NCK2: variants seen among roughly 807,000 people sequenced by gnomAD.
NCK2 encodes the protein cytoplasmic protein NCK2.
In NCK2, 16 loss-of-function variants were observed where a neutral mutation model predicts 33.9. The observed-to-expected ratio is 0.47, with a 90% confidence interval of 0.32 to 0.72. The LOEUF (loss-of-function observed/expected upper bound fraction) is 0.72, where lower values mean the gene tolerates loss of function less well. Among genes scored for constraint, NCK2 ranks in the 30% least tolerant of loss-of-function variants. The probability of loss-of-function intolerance (pLI) is 0.03; values close to 1 mark genes in which losing one functional copy is unlikely to be tolerated. For synonymous variants in NCK2, 273 were observed against 239.9 expected, an observed-to-expected ratio of 1.14 and a Z score of -1.27; for missense variants, 418 against 537.3, an observed-to-expected ratio of 0.78 and a Z score of 2.19.
chr2:105,748,955 A>G (rs935704203), intron 1 of NCK2, among the ~76,000 whole-genome samples: 1 of 152,186 alleles, frequency 6.6e-6, no homozygotes, highest in South Asian at 2.1e-4. Context: ...CTTTGACCTC[A>G]GGATGTCCAG....
intron 3 of NCK2, among the ~76,000 whole-genome samples, chr2:105,874,603 T>C (rs945853550): frequency 1.3e-5 from 2 of 152,238 alleles, no homozygotes; most frequent in Non-Finnish European, 2.9e-5. Context: ...GCACACCGCG[T>C]CTAAACGAAT....
Position 105,784,156 on chromosome 2 carries a change from T to G in NCK2, c.-200-32274T>G, listed in dbSNP as rs557049457. On this transcript the variant is annotated intron_variant, in intron 1 of 4. Transcript: ENST00000233154. ...TCTCCCTCTGTCACCCAGGCTGGCG[T>G]GCAGTGGCGTCATCTCTGTTCACTG... is the stretch of plus-strand genomic sequence containing the variant. 3.9e-5 allele frequency among the ~76,000 whole-genome samples: 6 copies of G among 152,326 alleles called. No homozygotes were observed. The East Asian group carries it at 1.2e-3, about 29-fold the overall frequency.
intron 1 of NCK2, among the ~76,000 whole-genome samples, chr2:105,758,841 G>T (rs1689674895): frequency 6.6e-6 from 1 of 152,160 alleles, no homozygotes; most frequent in South Asian, 2.1e-4. Flanking sequence ...TTTTCCAAAG[G>T]TTGGAACTGA....
intron 1 of NCK2, among the ~76,000 whole-genome samples, chr2:105,777,014 T>A (rs1362770419): frequency 6.6e-6 from 1 of 151,596 alleles, no homozygotes; most frequent in Admixed American, 6.6e-5. Flanking sequence ...TCCCCAGAGA[T>A]CAGAGACTAA....
At chr2:105,791,405 C>T (rs1305961075) in intron 1 of NCK2, among the ~76,000 whole-genome samples, 1 of 150,984 alleles carries the variant, frequency 6.6e-6, no homozygotes, top group Non-Finnish European at 1.5e-5. Context: ...GTGGCTTTCA[C>T]GATGGGAGGA....
At chr2:105,840,944 T>G (rs1676621801) in intron 2 of NCK2, among the ~76,000 whole-genome samples, 1 of 152,228 alleles carries the variant, frequency 6.6e-6, no homozygotes, top group Non-Finnish European at 1.5e-5. Context: ...CAGATCATTC[T>G]TAAGTAAATC....
intron 3 of NCK2, among the ~76,000 whole-genome samples, chr2:105,859,099 G>A (rs929569646): frequency 1.3e-5 from 2 of 152,184 alleles, no homozygotes; most frequent in Non-Finnish European, 2.9e-5. Flanking sequence ...TTGTGCAGGC[G>A]AGGTGTTGTA....
chr2:105,892,869 C>A, intron 4 of NCK2, 113 bp from the exon 5 acceptor site: 2 of 770,704 alleles, frequency 2.6e-6, no homozygotes, highest in South Asian at 4.6e-5. Context: ...AAAGCAGAGA[C>A]CCAGTGTTTG....
intron 4 of NCK2, among the ~76,000 whole-genome samples, chr2:105,889,571 C>CTTTTT (rs35868906): frequency 7.5e-6 from 1 of 132,806 alleles, no homozygotes; most frequent in Admixed American, 7.7e-5. Flanking sequence ...ATTTGCATTT[C>CTTTTT]TTTTTTTTTT....
intron 1 of NCK2, among the ~76,000 whole-genome samples, chr2:105,750,802 T>A (rs1385957821): frequency 1.3e-5 from 2 of 152,202 alleles, no homozygotes; most frequent in African/African-American, 4.8e-5. Context: ...ATCAGTGATA[T>A]GCAAAGGAAA....
At chr2:105,754,639 G>A (rs935878412) in intron 1 of NCK2, among the ~76,000 whole-genome samples, 3 of 151,796 alleles carry the variant, frequency 2.0e-5, no homozygotes, top group Non-Finnish European at 2.9e-5. Context: ...GAGGTTGGGG[G>A]GAGCTGCTGC....
intron 3 of NCK2, among the ~76,000 whole-genome samples, chr2:105,879,172 T>C (rs1196243919): frequency 6.6e-6 from 1 of 152,244 alleles, no homozygotes; most frequent in African/African-American, 2.4e-5. Flanking sequence ...CTTTTGTAAT[T>C]CACATGTTTG....
intron 4 of NCK2, among the ~76,000 whole-genome samples, chr2:105,885,616 G>A (rs1327428501): frequency 6.6e-6 from 1 of 151,940 alleles, no homozygotes. Context: ...TACTGATTCA[G>A]GAGGTCTGGG....
intron 1 of NCK2, among the ~76,000 whole-genome samples, chr2:105,790,369 G>A (rs747446871): frequency 2.0e-4 from 30 of 152,188 alleles, no homozygotes; most frequent in Admixed American, 7.2e-4. Context: ...GCTTCTCAAT[G>A]CCATAGGCTG....
chr2:105,893,876 A>G lies in NCK2; in HGVS notation c.*700A>G, dbSNP rs1672374307. On this transcript the variant is annotated 3_prime_UTR_variant, in exon 5 of 5. Transcript: ENST00000233154. Reference sequence around the variant, plus strand: ...TTCGGCTTGTTTGAATCTCACAATTATGTATTTAATTCTCAAAGAAATATG... The same window carrying G: ...TTCGGCTTGTTTGAATCTCACAATTGTGTATTTAATTCTCAAAGAAATATG... The G allele has an allele frequency of 1.3e-5, 2 of 152,606 alleles. No individual in the cohort carries two copies. The highest frequency in any genetic ancestry group is 2.9e-5 in the Non-Finnish European group (2 of 68,046). 9.5% of individuals were successfully genotyped at this position (152,606 alleles called of 1,614,324 possible).
intron 2 of NCK2, among the ~76,000 whole-genome samples, chr2:105,821,407 A>G (rs750798227): frequency 9.2e-5 from 14 of 152,170 alleles, no homozygotes; most frequent in Non-Finnish European, 1.8e-4. Flanking sequence ...GGCCCATCTC[A>G]GCCTCCTTCT....
In NCK2 at chr2:105,882,031, T is replaced by A; in HGVS notation, c.930T>A (p.Ile310=). The A allele has an allele frequency of 6.7e-7, 1 of 1,500,622 alleles. No homozygotes were observed. The highest frequency in any genetic ancestry group is 8.9e-7 in the Non-Finnish European group (1 of 1,124,212). The allele number at this position is 1,500,622 out of a possible 1,614,324, so 93.0% of individuals were successfully genotyped here. Residue 310 remains isoleucine, a synonymous_variant, in exon 4 of 5, where the codon ATT becomes ATA. Transcript: ENST00000233154. ...NERGVEGDFL[I]RDSESSPSDF... ...GGGGCGTGGAGGGCGACTTCCTCAT[T>A]AGGGACAGCGAGTCCTCGGTAAGTG... is the stretch of plus-strand genomic sequence containing the variant.
chr2:105,775,030 T>TATAATA (rs951063801), intron 1 of NCK2, among the ~76,000 whole-genome samples: 1 of 151,802 alleles, frequency 6.6e-6, no homozygotes, highest in Non-Finnish European at 1.5e-5. Flanking sequence ...ATAATAATAA[T>TATAATA]ATAATAATAA....
intron 2 of NCK2, among the ~76,000 whole-genome samples, 190 bp downstream of exon 2, chr2:105,816,803 G>A (rs1369102720): frequency 2.0e-5 from 3 of 152,148 alleles, no homozygotes; most frequent in African/African-American, 7.2e-5. Context: ...ATGGTTCTGA[G>A]TATGTAGCCA....
Sources: allele counts gnomAD v4.1 joint callset (sites outside exome capture counted in the v4.1 genomes callset), GRCh38; gene constraint gnomAD v4.1.1; transcripts MANE v1.5; gene names NCBI Gene and HGNC (gene_info 2026-07-23, HGNC 2026-07-21).